Variants in KCNAB1 observed in about 807,000 individuals in gnomAD.
The protein encoded by KCNAB1 is voltage-gated potassium channel subunit beta-1.
KCNAB1 carries 35 observed loss-of-function variants against 64.6 expected under a neutral mutation model. That is an observed-to-expected ratio of 0.54 (90% CI 0.41 to 0.72). The LOEUF is 0.72. Among genes scored for constraint, KCNAB1 ranks in the 30% least tolerant of loss-of-function variants. The pLI is 0.00. For missense variants in KCNAB1, 401 were observed against 512.9 expected, an observed-to-expected ratio of 0.78 and a Z score of 2.11; for synonymous variants, 177 against 183.8, an observed-to-expected ratio of 0.96 and a Z score of 0.30.
At chr3:156,363,796 A>G (rs1483072660) in intron 1 of KCNAB1, among the ~76,000 whole-genome samples, 4 of 152,128 alleles carry the variant, frequency 2.6e-5, no homozygotes, top group African/African-American at 9.7e-5. Flanking sequence ...TATTTATTAT[A>G]GTTAGGGATG....
intron 1 of KCNAB1, among the ~76,000 whole-genome samples, chr3:156,250,415 TC>T (rs1281594916): frequency 6.6e-6 from 1 of 152,200 alleles, no homozygotes. Flanking sequence ...CCTCCTCCTA[TC>T]CCTTCTCTTC....
At chr3:156,374,262 A>G (rs186464835) in intron 1 of KCNAB1, among the ~76,000 whole-genome samples, 4 of 152,334 alleles carry the variant, frequency 2.6e-5, no homozygotes, top group Admixed American at 6.5e-5. Context: ...AATTTACCTC[A>G]GAGAACTTTC....
At chr3:156,386,041 A>G (rs1193439500) in intron 1 of KCNAB1, among the ~76,000 whole-genome samples, 1 of 152,254 alleles carries the variant, frequency 6.6e-6, no homozygotes, top group African/African-American at 2.4e-5. Context: ...GTGAATCCAT[A>G]CAGGTCTCTA....
chr3:156,495,748 A>C (rs771562796), intron 8 of KCNAB1, among the ~76,000 whole-genome samples: 30 of 152,174 alleles, frequency 2.0e-4, no homozygotes, highest in Non-Finnish European at 7.3e-5. Flanking sequence ...GTGAGGAATA[A>C]AGTAGTTAAC....
intron 1 of KCNAB1, among the ~76,000 whole-genome samples, chr3:156,369,084 A>G (rs1318514221): frequency 1.3e-5 from 2 of 152,182 alleles, no homozygotes; most frequent in African/African-American, 4.8e-5. Context: ...CCTCCCTAGA[A>G]GATTTTCTCA....
chr3:156,376,290 C>G (rs1711656329), intron 1 of KCNAB1, among the ~76,000 whole-genome samples: 1 of 152,044 alleles, frequency 6.6e-6, no homozygotes, highest in South Asian at 2.1e-4. Context: ...GTGGAAGGCA[C>G]TGGAGTAGAT....
chr3:156,290,821 G>GTAAATTTTGCAT (rs1342242814), intron 1 of KCNAB1, among the ~76,000 whole-genome samples: 1 of 152,190 alleles, frequency 6.6e-6, no homozygotes, highest in East Asian at 1.9e-4. Flanking sequence ...AAATTTTGCA[G>GTAAATTTTGCAT]TAAGTTAGCA....
chr3:156,505,135 A>G (rs1358042609), intron 8 of KCNAB1, among the ~76,000 whole-genome samples: 1 of 152,170 alleles, frequency 6.6e-6, no homozygotes, highest in East Asian at 1.9e-4. Context: ...ATGGATATCC[A>G]GTTTTCCCAG....
At chr3:156,333,872 T>C (rs948692727) in intron 1 of KCNAB1, among the ~76,000 whole-genome samples, 2 of 152,184 alleles carry the variant, frequency 1.3e-5, no homozygotes, top group African/African-American at 2.4e-5. Flanking sequence ...AATTCACTTT[T>C]TTTCTCTCTT....
intron 1 of KCNAB1, among the ~76,000 whole-genome samples, chr3:156,203,634 T>G (rs902130722): frequency 1.7e-4 from 26 of 152,212 alleles, no homozygotes; most frequent in African/African-American, 6.0e-4. Flanking sequence ...CAAGTTATTG[T>G]TATGTTTCTC....
intron 1 of KCNAB1, among the ~76,000 whole-genome samples, chr3:156,294,631 CA>C (rs898138663): frequency 6.6e-6 from 1 of 151,908 alleles, no homozygotes; most frequent in African/African-American, 2.4e-5. Context: ...GCAGAATATA[CA>C]AAAATAATGC....
intron 2 of KCNAB1, 80 bp downstream of exon 2, chr3:156,421,739 G>T: frequency 7.9e-7 from 1 of 1,265,162 alleles, no homozygotes; most frequent in South Asian, 1.3e-5. Context: ...CTGTGGTCTA[G>T]GCCAGGACCT....
intron 1 of KCNAB1, among the ~76,000 whole-genome samples, chr3:156,152,168 C>T (rs1246175546): frequency 6.6e-6 from 1 of 152,218 alleles, no homozygotes; most frequent in Non-Finnish European, 1.5e-5. Flanking sequence ...GGCCTGCTGA[C>T]CTTATTAGCC....
At chr3:156,280,172 A>G (rs1455014849) in intron 1 of KCNAB1, among the ~76,000 whole-genome samples, 64 of 150,640 alleles carry the variant, frequency 4.2e-4, no homozygotes, top group African/African-American at 1.4e-3. Flanking sequence ...ATCCAGTTTC[A>G]GCTTTCTACG....
At chr3:156,145,845 G>C (rs1395170189) in intron 1 of KCNAB1, among the ~76,000 whole-genome samples, 1 of 152,052 alleles carries the variant, frequency 6.6e-6, no homozygotes, top group African/African-American at 2.4e-5. Flanking sequence ...TCTAAGTGGG[G>C]GAGGGATTGA....
intron 1 of KCNAB1, among the ~76,000 whole-genome samples, chr3:156,390,909 T>C (rs1235274445): frequency 1.3e-5 from 2 of 152,094 alleles, no homozygotes; most frequent in Admixed American, 6.6e-5. Context: ...TTACAGTGAT[T>C]GAATACACTT....
chr3:156,208,108 G>A (rs545128032), intron 1 of KCNAB1, among the ~76,000 whole-genome samples: 1 of 152,234 alleles, frequency 6.6e-6, no homozygotes, highest in South Asian at 2.1e-4. Flanking sequence ...AGAACTACCA[G>A]ATTCCTAAGG....
chr3:156,408,290 G>C (rs531078737), intron 1 of KCNAB1, among the ~76,000 whole-genome samples: 1 of 152,244 alleles, frequency 6.6e-6, no homozygotes, highest in African/African-American at 2.4e-5. Flanking sequence ...TCATGTGAAG[G>C]CAGCAAGGGG....
intron 2 of KCNAB1, among the ~76,000 whole-genome samples, chr3:156,422,199 G>C (rs1715508563): frequency 6.6e-6 from 1 of 152,174 alleles, no homozygotes; most frequent in South Asian, 2.1e-4. Context: ...TATTTGAAGA[G>C]GATTAAATAG....
Sources: gnomAD v4.1 joint callset for allele counts (sites outside exome capture counted in the v4.1 genomes callset) on GRCh38, gnomAD v4.1.1 for gene constraint, MANE v1.5 for transcripts, NCBI Gene and HGNC (gene_info 2026-07-23, HGNC 2026-07-21) for gene names.